VTI1B: variants seen among roughly 807,000 people sequenced by gnomAD.
VTI1B encodes the protein vesicle transport through interaction with t-SNAREs homolog 1B.
Under a neutral mutation model 28.6 loss-of-function variants are expected in VTI1B, and 18 were observed. The ratio of observed to expected loss-of-function variants is 0.63; its 90% CI spans 0.43 to 0.93. The LOEUF is 0.93. Among genes scored for constraint, VTI1B ranks in the 40% least tolerant of loss-of-function variants. VTI1B has a pLI of 0.00. For synonymous variants in VTI1B, 100 were observed against 107.9 expected (o/e 0.93, Z 0.46); for missense variants, 283 against 297.0 (o/e 0.95, Z 0.35).
chr14:67,656,095 C>T (rs892186146), intron 4 of VTI1B, among the ~76,000 whole-genome samples: 3 of 151,794 alleles, frequency 2.0e-5, no homozygotes, highest in African/African-American at 7.3e-5. Flanking sequence ...AAAATACAAA[C>T]ATTAGCTAGG....
chr14:67,674,588 A>T lies in VTI1B; in HGVS notation c.-99T>A. The T allele has an allele frequency of 1.0e-6, 1 of 970,354 alleles. No homozygotes were observed. The highest frequency in any genetic ancestry group is 1.4e-6 in the Non-Finnish European group (1 of 709,134). The allele number at this position is 970,354 out of a possible 1,614,324, so 60.1% of individuals were successfully genotyped here. A position where few individuals can be genotyped will look rare whatever the true frequency, so the allele number is the denominator to read the frequency against. On this transcript the variant is annotated 5_prime_UTR_variant, in exon 1 of 6. Coordinates refer to ENST00000554659, the MANE Select transcript of VTI1B (RefSeq NM_006370.3). ...GCCCAGCCCAGTGGCCATAACGGCG[A>T]CCGCCGCACCACCGCCGCCCAGGAC...
rs557563878 is a variant in VTI1B at position 67,663,033 on chromosome 14, C to T, written c.116-498G>A. 5.7e-6 allele frequency: 8 copies of T among 1,415,032 alleles called. No homozygotes were observed. The South Asian group carries it at 1.3e-4, about 24-fold the overall frequency. 87.7% of individuals were successfully genotyped at this position (1,415,032 alleles called of 1,614,324 possible). A position where few individuals can be genotyped will look rare whatever the true frequency, so the allele number is the denominator to read the frequency against. ...CAAAATAAAAATTCCACCTACTCGGCTTGCTGAGAGGCTGTCTGGTGTGGT... is the reference window on the plus strand; with the variant it reads ...CAAAATAAAAATTCCACCTACTCGGTTTGCTGAGAGGCTGTCTGGTGTGGT... On this transcript the variant is annotated intron_variant, in intron 1 of 5. Coordinates refer to ENST00000554659, the MANE Select transcript of VTI1B (RefSeq NM_006370.3).
chr14:67,667,228 T>C (rs1416003762), intron 1 of VTI1B, among the ~76,000 whole-genome samples: 2 of 152,186 alleles, frequency 1.3e-5, no homozygotes, highest in Admixed American at 6.5e-5. Flanking sequence ...CTCTTCCTTA[T>C]GGGGATTTGA....
intron 1 of VTI1B, chr14:67,662,969 G>A: frequency 7.4e-7 from 1 of 1,344,888 alleles, no homozygotes; most frequent in Non-Finnish European, 9.5e-7. Context: ...CACTCCCACA[G>A]TGAACCACTT....
intron 1 of VTI1B, among the ~76,000 whole-genome samples, chr14:67,667,884 C>T (rs2037421164): frequency 6.6e-6 from 1 of 152,094 alleles, no homozygotes; most frequent in Non-Finnish European, 1.5e-5. Context: ...GCAGAAGTTG[C>T]AGTGAGCCGA....
At chr14:67,658,293 T>G (rs930411908) in intron 3 of VTI1B, among the ~76,000 whole-genome samples, 10 of 152,156 alleles carry the variant, frequency 6.6e-5, no homozygotes, top group Non-Finnish European at 8.8e-5. Context: ...CTAAATTATG[T>G]TTTAATAATT....
chr14:67,653,350 A>G, intron 5 of VTI1B, 87 bp downstream of exon 5: 1 of 1,178,958 alleles, frequency 8.5e-7, no homozygotes. Flanking sequence ...GAGGTGCTTT[A>G]TGAGGACCTT....
At chr14:67,661,901 A>T (rs1353597834) in intron 2 of VTI1B, among the ~76,000 whole-genome samples, 1 of 152,062 alleles carries the variant, frequency 6.6e-6, no homozygotes, top group Non-Finnish European at 1.5e-5. Flanking sequence ...CATGCCTTGT[A>T]ATCCCTGTAC....
chr14:67,647,844 G>T lies in VTI1B; in HGVS notation c.*3541C>A, dbSNP rs1002052259. 1.4e-5 allele frequency: 8 copies of T among 582,718 alleles called. No individual in the cohort carries two copies. The highest frequency in any genetic ancestry group is 9.3e-5 in the Admixed American group (3 of 32,212). 36.1% of individuals were successfully genotyped at this position (582,718 alleles called of 1,614,324 possible). A position where few individuals can be genotyped will look rare whatever the true frequency, so the allele number is the denominator to read the frequency against. ...TATGCAGAACAAATGGCAGTATCATGAAGTGGTATGTAGGAAGTTAATATT... is the reference window on the plus strand; with the variant it reads ...TATGCAGAACAAATGGCAGTATCATTAAGTGGTATGTAGGAAGTTAATATT... On this transcript the variant is annotated 3_prime_UTR_variant, in exon 6 of 6. Transcript: ENST00000554659.
intron 4 of VTI1B, 119 bp downstream of exon 4, chr14:67,656,297 A>G: frequency 2.0e-6 from 2 of 1,001,294 alleles, no homozygotes; most frequent in Admixed American, 6.1e-5. Flanking sequence ...ATAAGAACTT[A>G]AAAAAGACTA....
chr14:67,657,750 T>C (rs1284219853), intron 3 of VTI1B, among the ~76,000 whole-genome samples: 1 of 121,930 alleles, frequency 8.2e-6, no homozygotes, highest in East Asian at 2.5e-4. Flanking sequence ...TTTCTTTCTT[T>C]CTTTTTTTTT....
Position 67,650,609 on chromosome 14 carries a change from G to T in VTI1B, c.*776C>A. 1 of 986,980 alleles carries T rather than the reference G, an allele frequency of 1.0e-6. No homozygotes were observed. 61.1% of individuals were successfully genotyped at this position (986,980 alleles called of 1,614,324 possible). A position where few individuals can be genotyped will look rare whatever the true frequency, so the allele number is the denominator to read the frequency against. ...AAATAGGTATTTTCTACTATAAAAT[G>T]GACTCTTGTTTTTACTTTGGCTTGT... On this transcript the variant is annotated 3_prime_UTR_variant, in exon 6 of 6. Transcript: ENST00000554659.
chr14:67,665,996 C>T (rs915453886), intron 1 of VTI1B, among the ~76,000 whole-genome samples: 5 of 152,074 alleles, frequency 3.3e-5, no homozygotes, highest in African/African-American at 1.2e-4. Context: ...GAAATAATAC[C>T]GACAGTCAAA....
rs183927132 is a variant in VTI1B, at chr14:67,669,620, T to C, written c.115+4755A>G. ...AGAAACATTTTGTAAGGCTATATTA[T>C]GTCATGATCTCTGTTCTACAGGTAC... On this transcript the variant is annotated intron_variant, in intron 1 of 5. Transcript: ENST00000554659. 3.3e-3 allele frequency among the ~76,000 whole-genome samples: 503 copies of C among 152,302 alleles called. 2 individuals are homozygous for C. Among genetic ancestry groups the C allele is most frequent in the Non-Finnish European group, 4.8e-3 (324 of 68,014 alleles).
intron 1 of VTI1B, among the ~76,000 whole-genome samples, chr14:67,672,123 A>ATT (rs5809360): frequency 9.7e-4 from 139 of 143,516 alleles, no homozygotes; most frequent in African/African-American, 3.4e-3. Flanking sequence ...TGCAGTCTAC[A>ATT]TTTTTTTTTT....
intron 2 of VTI1B, 136 bp from the exon 3 acceptor site, chr14:67,660,058 G>T: frequency 2.2e-6 from 2 of 901,884 alleles, no homozygotes; most frequent in Non-Finnish European, 3.3e-6. Flanking sequence ...CCATGAGGCA[G>T]GGACCATGTC....
chr14:67,656,465 A>T lies in VTI1B; in HGVS notation c.491T>A (p.Ile164Lys). The change falls in exon 4 of 6, where the codon ATA (isoleucine) becomes AAA (lysine). Residue 164 changes from isoleucine (I) to lysine (K), a missense_variant. Coordinates refer to ENST00000554659, the MANE Select transcript of VTI1B (RefSeq NM_006370.3). ...TETDQIGSEI[I>K]EELGEQRDQL... The stretch of plus-strand genomic sequence containing the variant: ...GTCTCGTTGTTCCCCCAGCTCTTCT[A>T]TGATTTCTGAGCCAATCTGGTCAGT... 1 of 1,613,442 alleles carries T rather than the reference A, an allele frequency of 6.2e-7. No individual in the cohort carries two copies. The highest frequency in any genetic ancestry group is 8.5e-7 in the Non-Finnish European group (1 of 1,179,706).
intron 4 of VTI1B, among the ~76,000 whole-genome samples, chr14:67,656,022 G>C (rs1189916196): frequency 6.6e-6 from 1 of 152,140 alleles, no homozygotes; most frequent in Non-Finnish European, 1.5e-5. Context: ...GGAGCAGGTG[G>C]ATCACCTGAA....
At chr14:67,659,671 A>G (rs1019075451) in intron 3 of VTI1B, 60 bp downstream of exon 3, 12 of 1,497,464 alleles carry the variant, frequency 8.0e-6, no homozygotes, top group African/African-American at 2.8e-5. Context: ...CAATATAGTT[A>G]ATTTTTGTAC....
Sources: allele counts gnomAD v4.1 joint callset (sites outside exome capture counted in the v4.1 genomes callset), GRCh38; gene constraint gnomAD v4.1.1; transcripts MANE v1.5; gene names NCBI Gene and HGNC (gene_info 2026-07-23, HGNC 2026-07-21).